The following ZNF329 variants were observed in gnomAD, a reference collection of about 807,000 sequenced individuals.
ZNF329 encodes the protein zinc finger protein 329.
Under a neutral mutation model 26.6 loss-of-function variants are expected in ZNF329, and 15 were observed. That is an observed-to-expected ratio of 0.56 (90% CI 0.38 to 0.87). ZNF329 has a LOEUF of 0.87. ZNF329 is among the 40% of genes least tolerant of loss of function. The pLI is 0.00. For synonymous variants in ZNF329, 239 were observed against 233.5 expected, an observed-to-expected ratio of 1.02 and a Z score of -0.21; for missense variants, 651 against 651.9, an observed-to-expected ratio of 1.00 and a Z score of 0.02.
In ZNF329 at chr19:58,128,433, G is replaced by A. The variant is rs1179127328; in HGVS notation, c.1071C>T (p.Tyr357=). The A allele has an allele frequency of 1.2e-6, 2 of 1,613,516 alleles. No homozygotes were observed. The highest frequency in any genetic ancestry group is 2.2e-5 in the East Asian group (1 of 44,830). ...KCGKAFRDGS[Y]LTQHERTHTG... is the part of the protein sequence containing the mutation. The stretch of plus-strand genomic sequence containing the variant: ...TGTGAGTCCTCTCATGCTGGGTGAG[G>A]TACGAGCCGTCCCGGAAAGCCTTTC... Residue 357 remains tyrosine (Y), a synonymous_variant, in exon 4 of 4, where the codon TAC becomes TAT. Coordinates refer to ENST00000598312, the MANE Select transcript of ZNF329 (RefSeq NM_024620.4).
In ZNF329 at chr19:58,128,957, T is replaced by A. The variant is rs1166051966; in HGVS notation, c.547A>T (p.Ile183Phe). ...KSYEGKNFEN[I>F]FTLSSSLNEN... ...TTAAGCGATGAGCTCAGAGTAAAGATGTTCTCAAAATTCTTACCTTCATAC... is the reference window on the plus strand; with the variant it reads ...TTAAGCGATGAGCTCAGAGTAAAGAAGTTCTCAAAATTCTTACCTTCATAC... Residue 183 changes from isoleucine (I) to phenylalanine (F), a missense_variant, in exon 4 of 4, where the codon ATC (isoleucine) becomes TTC (phenylalanine). Physicochemically the swap from Ile to Phe is conservative, Grantham distance 21. Coordinates refer to ENST00000598312, the MANE Select transcript of ZNF329 (RefSeq NM_024620.4). 6.2e-7 allele frequency: 1 copy of A among 1,613,532 alleles called. No homozygotes were observed. Among genetic ancestry groups the A allele is most frequent in the South Asian group, 1.1e-5 (1 of 91,040 alleles).
intron 1 of ZNF329, among the ~76,000 whole-genome samples, chr19:58,143,458 A>C (rs188707549): frequency 3.3e-4 from 50 of 152,290 alleles, no homozygotes; most frequent in Middle Eastern, 3.4e-3. Context: ...GCTTCCTGAA[A>C]TATCCATGAC....
chr19:58,130,696 T>G (rs928958920), intron 3 of ZNF329, among the ~76,000 whole-genome samples: 40 of 131,194 alleles, frequency 3.0e-4, no homozygotes, highest in Non-Finnish European at 4.8e-4. Flanking sequence ...AAAAAAAAAC[T>G]GGATCATGTA....
At chr19:58,132,575 G>A (rs2074971549) in intron 3 of ZNF329, 1 of 151,666 alleles carries the variant, frequency 6.6e-6, no homozygotes, top group Non-Finnish European at 1.5e-5. Context: ...AGCTACTCGG[G>A]AGGCTGAGGT....
chr19:58,144,797 G>T (rs1195065529), intron 1 of ZNF329, among the ~76,000 whole-genome samples: 1 of 150,618 alleles, frequency 6.6e-6, no homozygotes, highest in African/African-American at 2.4e-5. Flanking sequence ...GAATGCCTGG[G>T]CTCAGGAGCC....
At chr19:58,147,517 C>T (rs1193860537) in intron 1 of ZNF329, among the ~76,000 whole-genome samples, 10 of 141,582 alleles carry the variant, frequency 7.1e-5, no homozygotes, top group East Asian at 2.1e-4. Flanking sequence ...CCCCTCTGCC[C>T]GGCCAGCCGC....
At chr19:58,152,180 C>T (rs2075466528), upstream of ZNF329, among the ~76,000 whole-genome samples, 1 of 152,102 alleles carries the variant, frequency 6.6e-6, no homozygotes, top group Non-Finnish European at 1.5e-5. Flanking sequence ...AAGTTAAGTT[C>T]AGAACACACT....
chr19:58,144,068 C>T lies in ZNF329; in HGVS notation c.-207-870G>A, dbSNP rs143787867. On this transcript the variant is annotated intron_variant, in intron 1 of 3. Coordinates refer to ENST00000598312, the MANE Select transcript of ZNF329 (RefSeq NM_024620.4). Reference sequence around the variant, plus strand: ...TTCACTCCAGCCCGGGCAACAACAGCGAGACTCAGTCTCAAAAAATAAATA... The same window carrying T: ...TTCACTCCAGCCCGGGCAACAACAGTGAGACTCAGTCTCAAAAAATAAATA... 3.4e-3 allele frequency among the ~76,000 whole-genome samples: 522 copies of T among 151,420 alleles called. 2 individuals carry two copies. Among genetic ancestry groups the T allele is most frequent in the Non-Finnish European group, 3.4e-3 (231 of 67,884 alleles).
At chr19:58,153,779 G>T (rs1568683026), upstream of ZNF329, among the ~76,000 whole-genome samples, 1 of 151,978 alleles carries the variant, frequency 6.6e-6, no homozygotes, top group Non-Finnish European at 1.5e-5. Context: ...CATGATCATA[G>T]CCCACTGCAG....
At chr19:58,140,504 C>G (rs1003447699) in intron 3 of ZNF329, among the ~76,000 whole-genome samples, 1 of 151,410 alleles carries the variant, frequency 6.6e-6, no homozygotes, top group Non-Finnish European at 1.5e-5. Flanking sequence ...GCTCCGTCTC[C>G]CGGGTTCACG....
At chr19:58,145,017 T>G (rs1387803562) in intron 1 of ZNF329, among the ~76,000 whole-genome samples, 2 of 151,514 alleles carry the variant, frequency 1.3e-5, no homozygotes, top group Non-Finnish European at 2.9e-5. Flanking sequence ...GCCTGGCTAA[T>G]TTTTTGTATT....
chr19:58,147,294 G>C (rs1420371840), intron 1 of ZNF329, among the ~76,000 whole-genome samples: 1 of 151,260 alleles, frequency 6.6e-6, no homozygotes, highest in Non-Finnish European at 1.5e-5. Flanking sequence ...CGTCTGAGAA[G>C]TGAGGAGCCC....
intron 3 of ZNF329, among the ~76,000 whole-genome samples, chr19:58,130,768 T>G (rs908954570): frequency 1.3e-5 from 2 of 152,028 alleles, no homozygotes; most frequent in African/African-American, 4.8e-5. Context: ...TGTGTCTTCA[T>G]GCATATCAAT....
intron 3 of ZNF329, among the ~76,000 whole-genome samples, chr19:58,135,831 A>G (rs2075051077): frequency 6.9e-6 from 1 of 145,084 alleles, no homozygotes; most frequent in Non-Finnish European, 1.5e-5. Flanking sequence ...AAGAAAACCA[A>G]ATATAATAAA....
intron 3 of ZNF329, among the ~76,000 whole-genome samples, chr19:58,135,070 C>T (rs935712798): frequency 6.6e-6 from 1 of 151,844 alleles, no homozygotes; most frequent in African/African-American, 2.4e-5. Flanking sequence ...TTTTTCTGAT[C>T]AAGTAGCTCA....
intron 3 of ZNF329, among the ~76,000 whole-genome samples, chr19:58,138,135 C>T (rs115253392): frequency 0.019 from 2,820 of 152,212 alleles, 81 homozygotes; most frequent in African/African-American, 0.064. Flanking sequence ...CATCTATTAA[C>T]ACAATTCCCC....
Position 58,129,323 on chromosome 19 carries a change from C to G in ZNF329, c.181G>C (p.Glu61Gln). The G allele has an allele frequency of 6.2e-7, 1 of 1,614,218 alleles. No homozygotes were observed. Among genetic ancestry groups the G allele is most frequent in the Non-Finnish European group, 8.5e-7 (1 of 1,180,042 alleles). The change falls in exon 4 of 4, where the codon GAA (glutamate) becomes CAA (glutamine). Residue 61 changes from glutamate to glutamine, a missense_variant. Glu to Gln is a conservative substitution (Grantham distance 29). Coordinates refer to ENST00000598312, the MANE Select transcript of ZNF329 (RefSeq NM_024620.4). ...ALTLEKPGTQ[E>Q]AICEYPGFGE... ...AAACCAGGATATTCACAAATTGCTT[C>G]CTGAGTCCCTGGTTTCTCCAGAGTT... is the stretch of plus-strand genomic sequence containing the variant.
intron 1 of ZNF329, among the ~76,000 whole-genome samples, chr19:58,144,084 A>AAAAT (rs1468920161): frequency 8.5e-5 from 13 of 152,258 alleles, no homozygotes; most frequent in Middle Eastern, 3.4e-3. Flanking sequence ...TCAGTCTCAA[A>AAAAT]AAATAAATAA....
rs1300849003 is a variant in ZNF329, at chr19:58,144,389, TATATA to T, written c.-207-1196_-207-1192del. On this transcript the variant is annotated intron_variant, in intron 1 of 3. Coordinates refer to ENST00000598312, the MANE Select transcript of ZNF329 (RefSeq NM_024620.4). ...CTATCTATCTATCTATCTATATATATATATATATTTTTTTTTTGAGACGGAGTCTC... is the reference window on the plus strand; with the variant it reads ...CTATCTATCTATCTATCTATATATATTATTTTTTTTTTGAGACGGAGTCTC... 9.0e-3 allele frequency among the ~76,000 whole-genome samples: 962 copies of T among 107,252 alleles called. 16 individuals carry two copies. Among genetic ancestry groups the T allele is most frequent in the African/African-American group, 0.03 (898 of 30,230 alleles). 70.4% of individuals were successfully genotyped at this position (107,252 alleles called of 152,430 possible). A position where few individuals can be genotyped will look rare whatever the true frequency, so the allele number is the denominator to read the frequency against.
Sources: gnomAD v4.1 joint callset for allele counts (sites outside exome capture counted in the v4.1 genomes callset) on GRCh38, gnomAD v4.1.1 for gene constraint, MANE v1.5 for transcripts, NCBI Gene and HGNC (gene_info 2026-07-23, HGNC 2026-07-21) for gene names.